The following SLC23A2 variants were observed in gnomAD, a reference collection of about 807,000 sequenced individuals.
SLC23A2 encodes solute carrier family 23 member 2.
Under a neutral mutation model 73.3 loss-of-function variants are expected in SLC23A2, and 36 were observed. That is an observed-to-expected ratio of 0.49 (90% CI 0.38 to 0.65). The LOEUF (loss-of-function observed/expected upper bound fraction) is 0.65. Among genes scored for constraint, SLC23A2 ranks in the 30% least tolerant of loss-of-function variants. The pLI, the probability that SLC23A2 is intolerant of heterozygous loss-of-function variation, is 0.00. For synonymous variants in SLC23A2, 343 were observed against 327.3 expected, an observed-to-expected ratio of 1.05 and a Z score of -0.52; for missense variants, 507 against 841.6, an observed-to-expected ratio of 0.60 and a Z score of 4.92.
intron 4 of SLC23A2, among the ~76,000 whole-genome samples, chr20:4,908,898 C>A (rs1932049214): frequency 6.6e-6 from 1 of 152,194 alleles, no homozygotes; most frequent in Non-Finnish European, 1.5e-5. Context: ...TGTGCCACTG[C>A]ATTCCAGCCT....
chr20:4,870,189 A>G (rs1189203854), intron 11 of SLC23A2, 136 bp from the exon 12 acceptor site: 2 of 751,360 alleles, frequency 2.7e-6, no homozygotes, highest in Non-Finnish European at 4.2e-6. Context: ...GAAACTGTTC[A>G]TTTTAAAATC....
rs553938017 is a variant in SLC23A2 at position 4,955,590 on chromosome 20, A to G, written c.-155+15203T>C. Among the ~76,000 whole-genome samples, 3 of 151,936 alleles carry G rather than the reference A, an allele frequency of 2.0e-5. No individual in the cohort carries two copies. The South Asian group carries it at 6.2e-4, about 32-fold the overall frequency. On this transcript the variant is annotated intron_variant, in intron 2 of 16. Transcript: ENST00000338244. ...TAACACTTGACCTCAGGGGCTCGAG[A>G]CCAGCCTGGGAAACATAGTGAAGCC...
At chr20:4,918,717 C>T (rs1020084808) in intron 3 of SLC23A2, among the ~76,000 whole-genome samples, 6 of 152,170 alleles carry the variant, frequency 3.9e-5, no homozygotes, top group Admixed American at 1.3e-4. Flanking sequence ...ACCTGTCAAG[C>T]GGAGGGCACT....
intron 1 of SLC23A2, among the ~76,000 whole-genome samples, chr20:4,979,328 A>G (rs565914776): frequency 6.6e-6 from 1 of 152,134 alleles, no homozygotes; most frequent in Non-Finnish European, 1.5e-5. Context: ...AATTAACACA[A>G]AAGAGCACCA....
chr20:4,952,722 T>C (rs1267978780), intron 2 of SLC23A2, among the ~76,000 whole-genome samples: 1 of 152,170 alleles, frequency 6.6e-6, no homozygotes, highest in African/African-American at 2.4e-5. Context: ...ACATATGCTA[T>C]ATAAGAAATG....
intron 1 of SLC23A2, among the ~76,000 whole-genome samples, chr20:4,997,239 C>T (rs2088039394): frequency 6.6e-6 from 1 of 152,114 alleles, no homozygotes; most frequent in Admixed American, 6.6e-5. Context: ...CTTCTTTACT[C>T]CAAAACCCTC....
At chr20:5,003,487 T>C (rs1225325188), upstream of SLC23A2, among the ~76,000 whole-genome samples, 1 of 150,940 alleles carries the variant, frequency 6.6e-6, no homozygotes, top group Admixed American at 6.6e-5. Flanking sequence ...TCTACACCAG[T>C]GAGAGCATAG....
Position 4,856,668 on chromosome 20 carries a change from A to C in SLC23A2, c.*304T>G. The C allele has an allele frequency of 3.5e-6, 1 of 289,822 alleles. No individual in the cohort carries two copies. The highest frequency in any genetic ancestry group is 6.5e-6 in the Non-Finnish European group (1 of 154,168). The allele number at this position is 289,822 out of a possible 1,614,324, so 18.0% of individuals were successfully genotyped here. On this transcript the variant is annotated 3_prime_UTR_variant, in exon 17 of 17. Coordinates refer to ENST00000338244, the MANE Select transcript of SLC23A2 (RefSeq NM_005116.6). The surrounding 1 kb of genome is among the most constrained non-coding windows in gnomAD (Gnocchi z 4.6). Reference sequence around the variant, plus strand: ...CTGGGTGGTGGAAGGGAACTGAAGCAAGGAATGGCTGCAGATTTTAAATGT... The same window carrying C: ...CTGGGTGGTGGAAGGGAACTGAAGCCAGGAATGGCTGCAGATTTTAAATGT...
intron 2 of SLC23A2, among the ~76,000 whole-genome samples, chr20:4,938,236 C>T (rs1216805220): frequency 1.1e-4 from 16 of 151,396 alleles, no homozygotes; most frequent in African/African-American, 3.2e-4. Flanking sequence ...CCAGGGTGGT[C>T]TTGAGCTCCT....
At chr20:4,892,625 T>G (rs1931372945) in intron 6 of SLC23A2, among the ~76,000 whole-genome samples, 1 of 152,204 alleles carries the variant, frequency 6.6e-6, no homozygotes, top group Non-Finnish European at 1.5e-5. Context: ...GGATTTGACA[T>G]CACCTACACA....
At chr20:5,002,080 C>T (rs896496063), upstream of SLC23A2, among the ~76,000 whole-genome samples, 3 of 152,278 alleles carry the variant, frequency 2.0e-5, no homozygotes, top group South Asian at 6.2e-4. Context: ...GGTTCACATT[C>T]AGTGGCTCTG....
Position 4,912,888 on chromosome 20 carries a change from C to T in SLC23A2, c.199G>A (p.Ala67Thr). 5 of 1,607,856 alleles carry T rather than the reference C, an allele frequency of 3.1e-6. No individual in the cohort carries two copies. The highest frequency in any genetic ancestry group is 4.3e-6 in the Non-Finnish European group (5 of 1,174,508). Reference sequence around the variant, plus strand: ...GGTGACGGAAGGGGTACCTTTTCTGCAATGCCGTTTTCCGTAGTGTAGATC... The same window carrying T: ...GGTGACGGAAGGGGTACCTTTTCTGTAATGCCGTTTTCCGTAGTGTAGATC... Reference protein sequence around the residue: ...MAIYTTENGIAEKSSLAETLD... With the variant: ...MAIYTTENGITEKSSLAETLD... Residue 67 changes from alanine (A) to threonine (T), a missense_variant, in exon 4 of 17, where the codon GCA (alanine) becomes ACA (threonine). Around this residue, in one of 5 missense-constraint regions of SLC23A2, gnomAD observed 78 missense variants for 86.7 expected, o/e 0.90. Coordinates refer to ENST00000338244, the MANE Select transcript of SLC23A2 (RefSeq NM_005116.6).
At chr20:4,924,674 T>G (rs1180771899) in intron 3 of SLC23A2, among the ~76,000 whole-genome samples, 1 of 152,214 alleles carries the variant, frequency 6.6e-6, no homozygotes, top group African/African-American at 2.4e-5. Flanking sequence ...GGCACCCCCC[T>G]GCTGTGGGGC....
intron 3 of SLC23A2, among the ~76,000 whole-genome samples, chr20:4,913,634 G>T (rs966708870): frequency 6.6e-6 from 1 of 151,218 alleles, no homozygotes; most frequent in Non-Finnish European, 1.5e-5. Context: ...TTGTTGTTTC[G>T]TTTTGTTTTT....
chr20:4,974,766 G>C (rs1359107199), intron 1 of SLC23A2, among the ~76,000 whole-genome samples: 2 of 152,018 alleles, frequency 1.3e-5, no homozygotes, highest in East Asian at 3.9e-4. Flanking sequence ...GGCAATTTTG[G>C]GGGGAAAGCT....
At chr20:4,939,777 G>A (rs1436795454) in intron 2 of SLC23A2, among the ~76,000 whole-genome samples, 5 of 152,122 alleles carry the variant, frequency 3.3e-5, no homozygotes, top group African/African-American at 4.8e-5. Context: ...ACCATGGCAA[G>A]AATAACGTTA....
chr20:4,973,688 G>A (rs932172812), intron 1 of SLC23A2, among the ~76,000 whole-genome samples: 3 of 152,150 alleles, frequency 2.0e-5, no homozygotes, highest in Non-Finnish European at 2.9e-5. Flanking sequence ...GGGTTCCACC[G>A]CACTCTGGAA....
At position 4,862,427 on chromosome 20, in the gene SLC23A2, T is replaced by C. The variant is rs1387330382; in HGVS notation, c.1487-342A>G. On this transcript the variant is annotated intron_variant, in intron 14 of 16. Transcript: ENST00000338244. The surrounding 1 kb of genome is among the most constrained non-coding windows in gnomAD (Gnocchi z 5.1). ...TAAATATCTGGTGCATGTCTCTGGT[T>C]ATTACAGCTAAATGGTGCAGAGATC... Among the ~76,000 whole-genome samples, 5 of 152,338 alleles carry C rather than the reference T, an allele frequency of 3.3e-5. No individual in the cohort carries two copies. Among genetic ancestry groups the C allele is most frequent in the African/African-American group, 9.6e-5 (4 of 41,584 alleles).
intron 3 of SLC23A2, among the ~76,000 whole-genome samples, chr20:4,919,417 G>A (rs1932431156): frequency 6.6e-6 from 1 of 152,184 alleles, no homozygotes; most frequent in African/African-American, 2.4e-5. Flanking sequence ...AGCACCCCGG[G>A]GATTCCAGCT....
Sources: allele counts gnomAD v4.1 joint callset (sites outside exome capture counted in the v4.1 genomes callset), GRCh38; gene constraint gnomAD v4.1.1; regional missense constraint gnomAD v4.1.1; non-coding constraint Gnocchi (gnomAD v3.1); transcripts MANE v1.5; gene names NCBI Gene and HGNC (gene_info 2026-07-23, HGNC 2026-07-21).